EPHA6: variants seen among roughly 807,000 people sequenced by gnomAD.
EPHA6 encodes the protein EPH receptor A6.
Under a neutral mutation model 112.0 loss-of-function variants are expected in EPHA6, and 50 were observed. The observed-to-expected ratio is 0.45, with a 90% CI of 0.36 to 0.56. The LOEUF is 0.56. Among genes scored for constraint, EPHA6 ranks in the 20% least tolerant of loss-of-function variants. The probability of loss-of-function intolerance (pLI) is 0.00; values close to 1 mark genes in which losing one functional copy is unlikely to be tolerated. For missense variants in EPHA6, 1,280 were observed against 1,417.4 expected (o/e 0.90, Z 1.56); for synonymous variants, 529 against 490.7 (o/e 1.08, Z -1.03).
At chr3:97,672,234 G>T (rs945391288) in intron 14 of EPHA6, among the ~76,000 whole-genome samples, 1 of 152,034 alleles carries the variant, frequency 6.6e-6, no homozygotes, top group Non-Finnish European at 1.5e-5. Flanking sequence ...CTTTTACAGG[G>T]CTACCAAATA....
chr3:97,192,793 T>C (rs1195606592), intron 3 of EPHA6, among the ~76,000 whole-genome samples: 1 of 152,176 alleles, frequency 6.6e-6, no homozygotes, highest in Non-Finnish European at 1.5e-5. Flanking sequence ...CTTTATTTGA[T>C]TTTTGTATAT....
At position 97,538,531 on chromosome 3, in the gene EPHA6, T is replaced by C. The variant is rs576030958; in HGVS notation, c.2386+5988T>C. ...CAGGTTCAAAAGAAGGAGAACTCGA[T>C]AGATGGCTGATGGTTGGTAGTTGAA... On this transcript the variant is annotated intron_variant, in intron 11 of 17. Coordinates refer to ENST00000389672, the MANE Select transcript of EPHA6 (RefSeq NM_001080448.3). Among the ~76,000 whole-genome samples the C allele has an allele frequency of 6.6e-5, 10 of 152,234 alleles. No homozygotes were observed. The Middle Eastern group carries it at 0.01, about 155-fold the overall frequency.
At chr3:97,589,915 T>C (rs2107334688) in intron 11 of EPHA6, among the ~76,000 whole-genome samples, 1 of 152,298 alleles carries the variant, frequency 6.6e-6, no homozygotes, top group East Asian at 1.9e-4. Flanking sequence ...CCACAATTAA[T>C]TGAAAGAAAA....
chr3:97,212,276 A>G (rs983053161), intron 3 of EPHA6, among the ~76,000 whole-genome samples: 4 of 152,184 alleles, frequency 2.6e-5, no homozygotes, highest in African/African-American at 9.6e-5. Flanking sequence ...AGAAAGTAAT[A>G]TTAATGTGGG....
intron 5 of EPHA6, among the ~76,000 whole-genome samples, chr3:97,400,625 T>C (rs779760712): frequency 5.9e-5 from 9 of 151,710 alleles, no homozygotes; most frequent in African/African-American, 1.9e-4. Flanking sequence ...GTTTTTATTA[T>C]AGAGATTTTT....
intron 5 of EPHA6, among the ~76,000 whole-genome samples, chr3:97,384,638 A>G (rs1474171624): frequency 1.3e-5 from 2 of 152,226 alleles, no homozygotes; most frequent in African/African-American, 2.4e-5. Context: ...AAACTTTTGA[A>G]AGGTTAATCT....
At chr3:97,393,537 C>A (rs1000706664) in intron 5 of EPHA6, among the ~76,000 whole-genome samples, 1 of 151,818 alleles carries the variant, frequency 6.6e-6, no homozygotes, top group Non-Finnish European at 1.5e-5. Context: ...AGTGCTGTGG[C>A]ATTTCAACTC....
intron 2 of EPHA6, among the ~76,000 whole-genome samples, chr3:96,921,298 T>C (rs1187653766): frequency 1.3e-5 from 2 of 152,114 alleles, no homozygotes; most frequent in Non-Finnish European, 2.9e-5. Context: ...ATAAATCCTT[T>C]TATATTTTTA....
At chr3:97,142,917 G>A (rs555482847) in intron 3 of EPHA6, among the ~76,000 whole-genome samples, 30 of 151,842 alleles carry the variant, frequency 2.0e-4, no homozygotes, top group Middle Eastern at 3.4e-3. Flanking sequence ...TCTGAGAACC[G>A]GAAGAAGACA....
intron 3 of EPHA6, among the ~76,000 whole-genome samples, chr3:97,107,385 T>C (rs1177954348): frequency 2.0e-5 from 3 of 152,036 alleles, no homozygotes; most frequent in Non-Finnish European, 4.4e-5. Flanking sequence ...TGGATGACAA[T>C]GTCTGTTTAT....
intron 5 of EPHA6, among the ~76,000 whole-genome samples, chr3:97,330,624 C>T (rs28866605): frequency 0.022 from 3,284 of 151,936 alleles, 135 homozygotes; most frequent in African/African-American, 0.075. Context: ...GACTTTAAAC[C>T]AACAAAGATC....
chr3:96,920,497 G>A (rs2039699953), intron 2 of EPHA6, among the ~76,000 whole-genome samples: 1 of 151,882 alleles, frequency 6.6e-6, no homozygotes, highest in Non-Finnish European at 1.5e-5. Context: ...TTCTTAAAAG[G>A]TGATGTCAAA....
intron 2 of EPHA6, among the ~76,000 whole-genome samples, chr3:96,950,499 A>C (rs2041480775): frequency 6.6e-6 from 1 of 152,208 alleles, no homozygotes; most frequent in African/African-American, 2.4e-5. Flanking sequence ...TCTTTTTCTC[A>C]GTTATAATAT....
intron 1 of EPHA6, among the ~76,000 whole-genome samples, chr3:96,833,223 A>C (rs927659531): frequency 6.7e-6 from 1 of 149,230 alleles, no homozygotes; most frequent in African/African-American, 2.5e-5. Context: ...TAAAAGGGGA[A>C]ATTTGTTCAC....
intron 6 of EPHA6, among the ~76,000 whole-genome samples, chr3:97,446,260 C>T (rs534322562): frequency 4.6e-5 from 7 of 152,196 alleles, no homozygotes; most frequent in African/African-American, 1.7e-4. Flanking sequence ...AGCTGTAAGA[C>T]GTAAGACAAG....
chr3:96,869,217 C>T (rs1484077158), intron 2 of EPHA6, among the ~76,000 whole-genome samples: 1 of 151,916 alleles, frequency 6.6e-6, no homozygotes, highest in Non-Finnish European at 1.5e-5. Flanking sequence ...TTTCTACCCT[C>T]AAGGGGTATT....
At chr3:97,559,348 G>A (rs997422026) in intron 11 of EPHA6, among the ~76,000 whole-genome samples, 4 of 152,000 alleles carry the variant, frequency 2.6e-5, no homozygotes, top group Non-Finnish European at 4.4e-5. Context: ...TAGAGATTTT[G>A]GTGAATATGT....
chr3:96,994,320 G>T, intron 3 of EPHA6: 1 of 259,810 alleles, frequency 3.8e-6, no homozygotes, highest in Non-Finnish European at 8.0e-6. Flanking sequence ...TCATAATTAA[G>T]ACTGTCATAT....
At chr3:97,228,888 G>A (rs1388323474) in intron 4 of EPHA6, among the ~76,000 whole-genome samples, 1 of 152,052 alleles carries the variant, frequency 6.6e-6, no homozygotes, top group Non-Finnish European at 1.5e-5. Context: ...ATTTATGATT[G>A]TTTGATTTCT....
Sources: allele counts gnomAD v4.1 joint callset (sites outside exome capture counted in the v4.1 genomes callset), GRCh38; gene constraint gnomAD v4.1.1; transcripts MANE v1.5; gene names NCBI Gene and HGNC (gene_info 2026-07-23, HGNC 2026-07-21).